The following SLC13A1 variants were observed in gnomAD, a reference collection of about 807,000 sequenced individuals.
SLC13A1 encodes the protein solute carrier family 13 member 1.
In SLC13A1, 65 loss-of-function variants were observed where a neutral mutation model predicts 70.0. The observed-to-expected ratio is 0.93, with a 90% CI of 0.76 to 1.14. The LOEUF (loss-of-function observed/expected upper bound fraction) is 1.14, where lower values mean the gene tolerates loss of function less well. SLC13A1 is among the 50% of genes most tolerant of loss of function. The pLI, the probability that SLC13A1 is intolerant of heterozygous loss-of-function variation, is 0.00. For missense variants in SLC13A1, 726 were observed against 717.8 expected (o/e 1.01, Z -0.13); for synonymous variants, 275 against 250.5 (o/e 1.10, Z -0.92).
At chr7:123,199,125 A>G (rs1302495148) in intron 1 of SLC13A1, among the ~76,000 whole-genome samples, 2 of 152,142 alleles carry the variant, frequency 1.3e-5, no homozygotes, top group East Asian at 3.9e-4. Flanking sequence ...TGTGCCTGGC[A>G]CAGAGAAGGT....
chr7:123,154,730 T>C (rs1298365592), intron 6 of SLC13A1, among the ~76,000 whole-genome samples: 1 of 152,110 alleles, frequency 6.6e-6, no homozygotes, highest in Admixed American at 6.6e-5. Flanking sequence ...GCTTAAACAT[T>C]CTCTCAGAAC....
At chr7:123,165,956 G>A (rs1309691543) in intron 6 of SLC13A1, among the ~76,000 whole-genome samples, 1 of 151,750 alleles carries the variant, frequency 6.6e-6, no homozygotes, top group East Asian at 1.9e-4. Flanking sequence ...TGACAAGGTA[G>A]ACACATTCTT....
At chr7:123,166,973 G>A (rs1448072907) in intron 6 of SLC13A1, among the ~76,000 whole-genome samples, 1 of 152,160 alleles carries the variant, frequency 6.6e-6, no homozygotes, top group Non-Finnish European at 1.5e-5. Flanking sequence ...TCAGAGAAAT[G>A]CAAATCAAAA....
At chr7:123,122,269 C>T (rs1356162123) in intron 12 of SLC13A1, among the ~76,000 whole-genome samples, 1 of 152,086 alleles carries the variant, frequency 6.6e-6, no homozygotes, top group Non-Finnish European at 1.5e-5. Context: ...ATTTAACCTC[C>T]TGGAAGCCAA....
intron 2 of SLC13A1, among the ~76,000 whole-genome samples, 180 bp from the exon 3 acceptor site, chr7:123,172,084 A>G (rs28364190): frequency 7.2e-4 from 109 of 152,332 alleles, no homozygotes; most frequent in African/African-American, 2.4e-3. Flanking sequence ...TTCTTACTCA[A>G]AAATGGTGTT....
intron 13 of SLC13A1, among the ~76,000 whole-genome samples, chr7:123,118,493 T>C (rs150681805): frequency 2.0e-5 from 3 of 152,254 alleles, no homozygotes; most frequent in African/African-American, 7.2e-5. Flanking sequence ...ACATTTTACT[T>C]AAAGCTGTTT....
At chr7:123,179,919 C>T (rs1795584550) in intron 2 of SLC13A1, among the ~76,000 whole-genome samples, 1 of 151,988 alleles carries the variant, frequency 6.6e-6, no homozygotes, top group Non-Finnish European at 1.5e-5. Flanking sequence ...TTTTTTTATT[C>T]CCGATATTGA....
intron 14 of SLC13A1, among the ~76,000 whole-genome samples, chr7:123,115,883 A>G (rs374317336): frequency 3.3e-5 from 5 of 152,140 alleles, no homozygotes; most frequent in African/African-American, 1.2e-4. Flanking sequence ...TTAACTCGTC[A>G]TTTCTTAAAT....
At chr7:123,188,860 AAT>A (rs1194453205) in intron 1 of SLC13A1, among the ~76,000 whole-genome samples, 1 of 152,066 alleles carries the variant, frequency 6.6e-6, no homozygotes, top group African/African-American at 2.4e-5. Context: ...TCACGCCTGT[AAT>A]CCCAGCACTT....
intron 6 of SLC13A1, among the ~76,000 whole-genome samples, chr7:123,160,312 G>A (rs534225384): frequency 6.8e-6 from 1 of 147,920 alleles, no homozygotes; most frequent in East Asian, 2.0e-4. Flanking sequence ...ATTATCAGCA[G>A]ACAAATAAAC....
At chr7:123,115,762 T>C (rs746231184) in intron 14 of SLC13A1, 107 bp from the exon 15 acceptor site, 41 of 1,104,074 alleles carry the variant, frequency 3.7e-5, no homozygotes, top group Non-Finnish European at 4.8e-5. Context: ...TCCTAAATGA[T>C]TAGTATAAAT....
chr7:123,177,449 C>G (rs1174387976), intron 2 of SLC13A1, among the ~76,000 whole-genome samples: 1 of 152,094 alleles, frequency 6.6e-6, no homozygotes, highest in African/African-American at 2.4e-5. Context: ...GATCATTTAA[C>G]TTTTGTGCTC....
At chr7:123,169,796 A>G (rs10252548) in intron 3 of SLC13A1, among the ~76,000 whole-genome samples, 3,775 of 152,260 alleles carry the variant, frequency 0.025, 159 homozygotes, top group African/African-American at 0.086. Flanking sequence ...AGGGGTGTCA[A>G]GGAGGTACAA....
chr7:123,181,015 A>C lies in SLC13A1; in HGVS notation c.186T>G (p.Pro62=). Residue 62 remains proline, a synonymous_variant, in exon 2 of 15, where the codon CCT becomes CCG. Transcript: ENST00000194130. The part of the protein sequence containing the change: ...ALPLSVTALL[P]SLMLPMFGIM... ...TCCCAAACATGGGTAACATTAAACT[A>C]GGTAGCAAAGCTGTTACCGACAGAG... 1 of 1,612,832 alleles carries C rather than the reference A, an allele frequency of 6.2e-7. No individual in the cohort carries two copies. Among genetic ancestry groups the C allele is most frequent in the Non-Finnish European group, 8.5e-7 (1 of 1,179,120 alleles).
At position 123,171,036 on chromosome 7, in the gene SLC13A1, C is replaced by A. The variant is rs1473619523; in HGVS notation, c.365+732G>T. The stretch of plus-strand genomic sequence containing the variant: ...TGTCTACGCCCTAGAATGAATTATG[C>A]AATATAAGTCAATACAATATTCTAA... On this transcript the variant is annotated intron_variant, in intron 3 of 14. Coordinates refer to ENST00000194130, the MANE Select transcript of SLC13A1 (RefSeq NM_022444.4). 2.0e-5 allele frequency among the ~76,000 whole-genome samples: 3 copies of A among 151,814 alleles called. No homozygotes were observed. The East Asian group carries it at 5.8e-4, about 29-fold the overall frequency.
chr7:123,152,944 A>T (rs541012775), intron 6 of SLC13A1, among the ~76,000 whole-genome samples: 114 of 152,264 alleles, frequency 7.5e-4, no homozygotes, highest in African/African-American at 2.3e-3. Flanking sequence ...TATAGGAAAG[A>T]CTTCAAACAC....
chr7:123,178,033 C>CTCTCTCTCTCTCTATATATATA (rs761704605), intron 2 of SLC13A1, among the ~76,000 whole-genome samples: 1 of 149,958 alleles, frequency 6.7e-6, no homozygotes, highest in African/African-American at 2.5e-5. Context: ...CTCTCTCTCT[C>CTCTCTCTCTCTCTATATATATA]TATATATATA....
In SLC13A1 at chr7:123,117,389, G is replaced by A. The variant is rs10234320; in HGVS notation, c.1650+82C>T. The A allele has an allele frequency of 1.9e-3, 2,626 of 1,363,466 alleles. 25 individuals carry two copies. In the African/African-American group the frequency reaches 0.031, roughly 16 times the overall value. 84.5% of individuals were successfully genotyped at this position (1,363,466 alleles called of 1,614,324 possible). ...CTGCTTTTCCTGGTGGTTGATTGGT[G>A]TATAAAAGGGAAGATAATTCAAGAC... is the stretch of plus-strand genomic sequence containing the variant. On this transcript the variant is annotated intron_variant, in intron 14 of 14. Coordinates refer to ENST00000194130, the MANE Select transcript of SLC13A1 (RefSeq NM_022444.4).
chr7:123,189,165 T>C (rs928720961), intron 1 of SLC13A1, among the ~76,000 whole-genome samples: 8 of 150,532 alleles, frequency 5.3e-5, no homozygotes, highest in African/African-American at 9.7e-5. Flanking sequence ...TATATTTCCA[T>C]ATTTTTTCTA....
Sources: gnomAD v4.1 joint callset for allele counts (sites outside exome capture counted in the v4.1 genomes callset) on GRCh38, gnomAD v4.1.1 for gene constraint, MANE v1.5 for transcripts, NCBI Gene and HGNC (gene_info 2026-07-23, HGNC 2026-07-21) for gene names.